Variants in MASP1 observed in about 807,000 individuals in gnomAD.
The protein encoded by MASP1 is MBL associated serine protease 1.
A neutral mutation model predicts 77.1 loss-of-function variants in MASP1; 59 were observed. The ratio of observed to expected loss-of-function variants is 0.77; its 90% CI spans 0.62 to 0.95. The LOEUF is 0.95. Among genes scored for constraint, MASP1 ranks in the 40% least tolerant of loss-of-function variants. MASP1 has a pLI of 0.00. For synonymous variants in MASP1, 362 were observed against 354.5 expected, an observed-to-expected ratio of 1.02 and a Z score of -0.24; for missense variants, 885 against 912.9, an observed-to-expected ratio of 0.97 and a Z score of 0.39.
chr3:187,243,810 C>T (rs901776938), intron 8 of MASP1, 189 bp from the exon 9 acceptor site: 1 of 681,110 alleles, frequency 1.5e-6, no homozygotes, highest in African/African-American at 1.8e-5. Context: ...CATGGTCCTG[C>T]TTTTGAGGTC....
rs774850490 is a variant in MASP1, at chr3:187,241,533, T to A, written c.1251A>T (p.Gln417His). 1.9e-6 allele frequency: 3 copies of A among 1,613,612 alleles called. No individual in the cohort carries two copies. Among genetic ancestry groups the A allele is most frequent in the Non-Finnish European group, 2.5e-6 (3 of 1,179,638 alleles). The change falls in exon 10 of 11, where the codon CAA (glutamine) becomes CAT (histidine). Residue 417 changes from glutamine (Q) to histidine (H), a missense_variant. By Grantham distance (24) the Gln-to-His change is conservative. Transcript: ENST00000296280. ...CCAATACTTTATTCATCCAGACTCCTTGGGCAGAACAGGTATATATACCTG... is the reference window on the plus strand; with the variant it reads ...CCAATACTTTATTCATCCAGACTCCATGGGCAGAACAGGTATATATACCTG... ...NNTGIYTCSAQGVWMNKVLGR... is the reference protein window; with the variant it reads ...NNTGIYTCSAHGVWMNKVLGR...
At chr3:187,276,799 A>G (rs941692258) in intron 2 of MASP1, 6 of 152,146 alleles carry the variant, frequency 3.9e-5, no homozygotes, top group African/African-American at 7.2e-5. Context: ...GGAGACTACA[A>G]TTGAAATTCA....
At chr3:187,279,236 C>T (rs972205971) in intron 2 of MASP1, among the ~76,000 whole-genome samples, 2 of 152,178 alleles carry the variant, frequency 1.3e-5, no homozygotes, top group African/African-American at 4.8e-5. Flanking sequence ...ACTTTCTTTA[C>T]TGTAAAATCA....
chr3:187,240,013 C>G (rs1288990281), intron 10 of MASP1, among the ~76,000 whole-genome samples: 1 of 151,934 alleles, frequency 6.6e-6, no homozygotes, highest in Non-Finnish European at 1.5e-5. Context: ...TAGAAACCTC[C>G]TGATATGGTT....
chr3:187,276,984 T>C (rs1350644767), intron 2 of MASP1, among the ~76,000 whole-genome samples: 1 of 151,930 alleles, frequency 6.6e-6, no homozygotes, highest in Non-Finnish European at 1.5e-5. Flanking sequence ...GTCAGAAGAG[T>C]CCCACTTGGG....
At chr3:187,253,356 A>T in intron 5 of MASP1, 41 bp from the exon 6 acceptor site, 1 of 1,612,152 alleles carries the variant, frequency 6.2e-7, no homozygotes, top group Non-Finnish European at 8.5e-7. Flanking sequence ...AGAGTGTTCC[A>T]TCTGAGCAGC....
At chr3:187,258,982 T>A (rs1217007644) in intron 4 of MASP1, among the ~76,000 whole-genome samples, 2 of 152,244 alleles carry the variant, frequency 1.3e-5, no homozygotes, top group Admixed American at 1.3e-4. Context: ...CTGAAGTTTT[T>A]CTTTTAACAG....
intron 6 of MASP1, among the ~76,000 whole-genome samples, chr3:187,252,965 C>G (rs980572505): frequency 2.6e-5 from 4 of 152,172 alleles, no homozygotes; most frequent in African/African-American, 9.7e-5. Context: ...CTAGTCCACC[C>G]AACATTATTG....
At chr3:187,287,654 G>T (rs747677266) in intron 1 of MASP1, among the ~76,000 whole-genome samples, 1 of 152,170 alleles carries the variant, frequency 6.6e-6, no homozygotes, top group Non-Finnish European at 1.5e-5. Flanking sequence ...TGTATATAAA[G>T]GTCCCAGTAC....
At chr3:187,249,363 T>C (rs1485006469) in intron 8 of MASP1, among the ~76,000 whole-genome samples, 2 of 152,318 alleles carry the variant, frequency 1.3e-5, no homozygotes, top group East Asian at 3.9e-4. Context: ...AGGCTCTAAT[T>C]CTTGACCTCA....
chr3:187,241,384 C>A (rs1713623443), intron 10 of MASP1, 97 bp downstream of exon 10: 1 of 940,474 alleles, frequency 1.1e-6, no homozygotes, highest in South Asian at 1.3e-5. Flanking sequence ...AGCATCACCT[C>A]CCCTGTCCCC....
chr3:187,261,087 A>G (rs1026824429), intron 3 of MASP1, among the ~76,000 whole-genome samples: 1 of 152,202 alleles, frequency 6.6e-6, no homozygotes, highest in African/African-American at 2.4e-5. Context: ...ACCCAAGGTC[A>G]CAAAAAGCCA....
At chr3:187,280,648 G>A (rs1248600717) in intron 2 of MASP1, among the ~76,000 whole-genome samples, 2 of 152,138 alleles carry the variant, frequency 1.3e-5, no homozygotes, top group African/African-American at 2.4e-5. Context: ...ATATTTAAGG[G>A]ATTTTTTAAT....
intron 5 of MASP1, among the ~76,000 whole-genome samples, chr3:187,256,035 C>T (rs745479336): frequency 6.6e-6 from 1 of 152,126 alleles, no homozygotes; most frequent in African/African-American, 2.4e-5. Flanking sequence ...ATATCTCCCC[C>T]ATTATCCCAG....
chr3:187,238,164 G>T (rs1272859581), intron 10 of MASP1, among the ~76,000 whole-genome samples: 1 of 152,202 alleles, frequency 6.6e-6, no homozygotes, highest in Non-Finnish European at 1.5e-5. Flanking sequence ...CTTGGTCCAT[G>T]GTCACAACAA....
rs1712975355 is a variant in MASP1 at position 187,234,511 on chromosome 3, G to A, written c.*1173C>T. 1 of 1,286,356 alleles carries A rather than the reference G, an allele frequency of 7.8e-7. No homozygotes were observed. The highest frequency in any genetic ancestry group is 1.0e-6 in the Non-Finnish European group (1 of 987,896). 79.7% of individuals were successfully genotyped at this position (1,286,356 alleles called of 1,614,324 possible). ...TTCAAAGGTTATACAGCCAGTTGGG[G>A]GCAGAGCAGGGACTAGAACCCAGGA... On this transcript the variant is annotated 3_prime_UTR_variant, in exon 11 of 11. Coordinates refer to ENST00000296280, the MANE Select transcript of MASP1 (RefSeq NM_139125.4).
At position 187,235,826 on chromosome 3, in the gene MASP1, C is replaced by T. The variant is rs1338985272; in HGVS notation, c.2045G>A (p.Gly682Asp). 1 of 1,614,212 alleles carries T rather than the reference C, an allele frequency of 6.2e-7. No individual in the cohort carries two copies. The change falls in exon 11 of 11, where the codon GGC (glycine) becomes GAC (aspartate). Residue 682 changes from glycine (G) to aspartate (D), a missense_variant. Physicochemically the swap from Gly to Asp is moderately conservative, Grantham distance 94 (BLOSUM62 -1). Transcript: ENST00000296280. ...TTCAGGTCCCCCCCAGGACACCAGG[C>T]CTTGCACCACCCAGCGCTGGCTCAA... ...DDLSQRWVVQGLVSWGGPEEC... is the reference protein window; with the variant it reads ...DDLSQRWVVQDLVSWGGPEEC...
intron 9 of MASP1, 73 bp from the exon 10 acceptor site, chr3:187,241,628 G>A (rs1342197593): frequency 1.0e-6 from 1 of 1,003,668 alleles, no homozygotes; most frequent in East Asian, 2.4e-5. Flanking sequence ...ATAGATCTGG[G>A]TATTTAATTT....
intron 2 of MASP1, among the ~76,000 whole-genome samples, chr3:187,282,462 A>T (rs1371570729): frequency 7.4e-6 from 1 of 134,448 alleles, no homozygotes; most frequent in African/African-American, 2.8e-5. Context: ...CCGCCACTGC[A>T]CTCCAGCCTG....
Sources: gnomAD v4.1 joint callset for allele counts (sites outside exome capture counted in the v4.1 genomes callset) on GRCh38, gnomAD v4.1.1 for gene constraint, MANE v1.5 for transcripts, NCBI Gene and HGNC (gene_info 2026-07-23, HGNC 2026-07-21) for gene names.